Variants in SNAP23 observed in about 807,000 individuals in gnomAD.
SNAP23 encodes the protein synaptosome associated protein 23, also known as synaptosomal-associated protein 23.
A neutral mutation model predicts 29.0 loss-of-function variants in SNAP23; 11 were observed. That is an observed-to-expected ratio of 0.38 (90% CI 0.24 to 0.63). The LOEUF is 0.63. Ranked by LOEUF, SNAP23 falls within the 20% of genes least tolerant of loss-of-function variation. SNAP23 has a pLI of 0.58. For missense variants in SNAP23, 220 were observed against 253.9 expected, an observed-to-expected ratio of 0.87 and a Z score of 0.91; for synonymous variants, 60 against 82.9, an observed-to-expected ratio of 0.72 and a Z score of 1.50.
chr15:42,513,221 A>T, intron 3 of SNAP23, 178 bp from the exon 4 acceptor site: 1 of 753,964 alleles, frequency 1.3e-6, no homozygotes, highest in Non-Finnish European at 2.4e-6. Flanking sequence ...TTTGTGACTT[A>T]ATTATTTTGG....
chr15:42,501,127 T>G (rs1219888674), intron 1 of SNAP23, among the ~76,000 whole-genome samples: 1 of 152,128 alleles, frequency 6.6e-6, no homozygotes, highest in Non-Finnish European at 1.5e-5. Context: ...TCAGTTGAGG[T>G]CAGGAGTTCA....
intron 7 of SNAP23, among the ~76,000 whole-genome samples, chr15:42,530,855 T>C (rs1161275275): frequency 6.6e-6 from 1 of 152,246 alleles, no homozygotes; most frequent in Non-Finnish European, 1.5e-5. Context: ...ATGGATTTAA[T>C]TGAAACAGTG....
At chr15:42,527,733 G>A (rs776754090) in intron 5 of SNAP23, among the ~76,000 whole-genome samples, 12 of 151,576 alleles carry the variant, frequency 7.9e-5, no homozygotes, top group South Asian at 2.1e-4. Context: ...CGATCCACCC[G>A]CCTTGGCCTC....
At chr15:42,520,640 G>A (rs1303764505) in intron 5 of SNAP23, among the ~76,000 whole-genome samples, 2 of 152,026 alleles carry the variant, frequency 1.3e-5, no homozygotes, top group African/African-American at 2.4e-5. Context: ...GACTACAGGC[G>A]CCCGCCACCA....
intron 5 of SNAP23, chr15:42,521,348 T>G: frequency 1.8e-6 from 1 of 554,676 alleles, no homozygotes; most frequent in Non-Finnish European, 2.3e-6. Context: ...CCTTCTCTCA[T>G]ATTGTCTAAT....
At chr15:42,509,687 C>T (rs917465888) in intron 1 of SNAP23, among the ~76,000 whole-genome samples, 5 of 152,196 alleles carry the variant, frequency 3.3e-5, no homozygotes, top group Admixed American at 2.0e-4. Flanking sequence ...ATCCATCCGC[C>T]TCGGCCTCCC....
chr15:42,506,820 CTT>C (rs757937962), intron 1 of SNAP23, among the ~76,000 whole-genome samples: 10 of 140,324 alleles, frequency 7.1e-5, no homozygotes, highest in Admixed American at 1.4e-4. Context: ...ACAGAAAAAA[CTT>C]TTTTTTTTTT....
intron 5 of SNAP23, among the ~76,000 whole-genome samples, chr15:42,517,576 A>G (rs180874804): frequency 6.6e-6 from 1 of 152,290 alleles, no homozygotes; most frequent in African/African-American, 2.4e-5. Context: ...TATTAATTTT[A>G]TGTCTCTTTG....
intron 5 of SNAP23, among the ~76,000 whole-genome samples, chr15:42,520,942 G>A (rs1009962547): frequency 2.4e-4 from 37 of 152,270 alleles, no homozygotes; most frequent in African/African-American, 8.4e-4. Context: ...CTGCTATTCC[G>A]ATCTTAAGTC....
intron 5 of SNAP23, among the ~76,000 whole-genome samples, chr15:42,520,384 G>A (rs1458110681): frequency 1.3e-5 from 2 of 152,078 alleles, no homozygotes; most frequent in African/African-American, 4.8e-5. Flanking sequence ...ATCTTAGGCA[G>A]TAATTGATAA....
Position 42,532,292 on chromosome 15 carries a change from T to C in SNAP23, c.*814T>C, listed in dbSNP as rs892014349. The C allele has an allele frequency of 1.3e-5, 2 of 152,144 alleles. No individual in the cohort carries two copies. Among genetic ancestry groups the C allele is most frequent in the African/African-American group, 4.8e-5 (2 of 41,436 alleles). 9.4% of individuals were successfully genotyped at this position (152,144 alleles called of 1,614,324 possible). A position where few individuals can be genotyped will look rare whatever the true frequency, so the allele number is the denominator to read the frequency against. ...TTTTAGTAGAGACAGGGTTTCACCATGTCAAGCTGGTCTTGGACTCCTGAC... is the reference window on the plus strand; with the variant it reads ...TTTTAGTAGAGACAGGGTTTCACCACGTCAAGCTGGTCTTGGACTCCTGAC... On this transcript the variant is annotated 3_prime_UTR_variant, in exon 8 of 8. Transcript: ENST00000249647.
At chr15:42,528,545 G>A (rs1477460660) in intron 6 of SNAP23, 125 bp downstream of exon 6, 1 of 997,918 alleles carries the variant, frequency 1.0e-6, no homozygotes, top group Non-Finnish European at 1.4e-6. Flanking sequence ...TTTTTAAAAT[G>A]CATTTAAAAA....
intron 5 of SNAP23, chr15:42,521,513 T>A (rs1226920163): frequency 7.0e-7 from 1 of 1,421,864 alleles, no homozygotes; most frequent in Non-Finnish European, 9.2e-7. Context: ...TTTTTAAAAC[T>A]TTAAACCTGC....
rs1374206377 is a variant in SNAP23, at chr15:42,509,321, CTT to C, written c.-14-2511_-14-2510del. 3.3e-5 allele frequency among the ~76,000 whole-genome samples: 5 copies of C among 151,874 alleles called. No homozygotes were observed. In the South Asian group the frequency reaches 6.2e-4, roughly 19 times the overall value. On this transcript the variant is annotated intron_variant, in intron 1 of 7. Coordinates refer to ENST00000249647, the MANE Select transcript of SNAP23 (RefSeq NM_003825.4). ...TGATATCTTTATATCTTGATTATAT[CTT>C]AGTGTGGAAACTTTTTGCCTGAAGC...
intron 5 of SNAP23, among the ~76,000 whole-genome samples, chr15:42,526,838 A>ATT (rs1379818329): frequency 2.5e-4 from 35 of 137,620 alleles, no homozygotes; most frequent in Non-Finnish European, 3.3e-4. Context: ...TAGACTTATG[A>ATT]TTTTTTTTTT....
intron 5 of SNAP23, among the ~76,000 whole-genome samples, chr15:42,519,089 C>CTGT (rs2057422335): frequency 6.9e-6 from 1 of 145,096 alleles, no homozygotes; most frequent in African/African-American, 2.6e-5. Context: ...GAGTCTCACT[C>CTGT]TGTTGCCCAG....
intron 5 of SNAP23, among the ~76,000 whole-genome samples, chr15:42,523,471 G>A (rs1488911603): frequency 6.6e-6 from 1 of 152,132 alleles, no homozygotes; most frequent in Non-Finnish European, 1.5e-5. Flanking sequence ...AGATCTCAAA[G>A]CCAAGAAATG....
intron 5 of SNAP23, chr15:42,521,720 A>T (rs945256374): frequency 1.2e-6 from 1 of 800,766 alleles, no homozygotes; most frequent in East Asian, 2.7e-5. Flanking sequence ...TGATGCTTCA[A>T]ATGGCTTTTC....
At position 42,513,379 on chromosome 15, in the gene SNAP23, CT is replaced by C. The variant is rs1279675650; in HGVS notation, c.100-16del. On this transcript the variant is annotated intron_variant, in intron 3 of 7. Coordinates refer to ENST00000249647, the MANE Select transcript of SNAP23 (RefSeq NM_003825.4). ...TTGGTTTGTTTTGTTGTACTATCAG[CT>C]TTTCCCCCCTTGTCTTAGTCTCAGG... 1.9e-6 allele frequency: 3 copies of C among 1,611,552 alleles called. No individual in the cohort carries two copies. The highest frequency in any genetic ancestry group is 2.7e-5 in the African/African-American group (2 of 74,862).
Sources: gnomAD v4.1 joint callset for allele counts (sites outside exome capture counted in the v4.1 genomes callset) on GRCh38, gnomAD v4.1.1 for gene constraint, MANE v1.5 for transcripts, NCBI Gene and HGNC (gene_info 2026-07-23, HGNC 2026-07-21) for gene names.